Variants in DYRK1A observed in about 807,000 individuals in gnomAD.
DYRK1A encodes dual specificity tyrosine phosphorylation regulated kinase 1A.
Under a neutral mutation model 79.7 loss-of-function variants are expected in DYRK1A, and 9 were observed. The ratio of observed to expected loss-of-function variants is 0.11; its 90% confidence interval spans 0.07 to 0.20. The LOEUF is 0.20. DYRK1A is among the 10% of genes least tolerant of loss of function. The probability of loss-of-function intolerance (pLI) is 1.00; values close to 1 mark genes in which losing one functional copy is unlikely to be tolerated. For missense variants in DYRK1A, 622 were observed against 956.0 expected (o/e 0.65, Z 4.61); for synonymous variants, 349 against 329.7 (o/e 1.06, Z -0.63).
In DYRK1A at chr21:37,518,903, T is replaced by A; in HGVS notation, c.*6372T>A. On this transcript the variant is annotated 3_prime_UTR_variant, in exon 12 of 12. Coordinates refer to ENST00000647188, the MANE Select transcript of DYRK1A (RefSeq NM_001347721.2). ...GCTGGGATTACAGGCGTGAGCTACT[T>A]CACCCAGCCCCAAGAACATCTTGAA... 1 of 152,246 alleles carries A rather than the reference T, an allele frequency of 6.6e-6. No individual in the cohort carries two copies. Among genetic ancestry groups the A allele is most frequent in the East Asian group, 1.9e-4 (1 of 5,170 alleles). 9.4% of individuals were successfully genotyped at this position (152,246 alleles called of 1,614,324 possible).
chr21:37,375,008 A>G (rs1042428225), intron 1 of DYRK1A: 1 of 152,236 alleles, frequency 6.6e-6, no homozygotes, highest in South Asian at 2.1e-4. Context: ...GCCTGGGACT[A>G]GCATTGTTTT....
chr21:37,382,928 G>C (rs2049687087), intron 1 of DYRK1A, among the ~76,000 whole-genome samples: 1 of 152,198 alleles, frequency 6.6e-6, no homozygotes, highest in Non-Finnish European at 1.5e-5. Flanking sequence ...TTGATACCTT[G>C]TGTTATTGGT....
chr21:37,436,029 G>A (rs537501483), intron 2 of DYRK1A, among the ~76,000 whole-genome samples: 12 of 152,226 alleles, frequency 7.9e-5, no homozygotes, highest in African/African-American at 2.9e-4. Flanking sequence ...AACATGAGGT[G>A]AAGAATAAAT....
chr21:37,414,887 G>C (rs1005042971), intron 1 of DYRK1A, among the ~76,000 whole-genome samples: 9 of 152,206 alleles, frequency 5.9e-5, no homozygotes, highest in Non-Finnish European at 1.2e-4. Flanking sequence ...AAGGAAGACA[G>C]AGGACAGCAA....
chr21:37,492,959 C>A, intron 7 of DYRK1A, 58 bp from the exon 8 acceptor site: 1 of 1,389,756 alleles, frequency 7.2e-7, no homozygotes, highest in Non-Finnish European at 9.9e-7. Context: ...TGTTTTTAAT[C>A]CAATGCTGAC....
intron 1 of DYRK1A, among the ~76,000 whole-genome samples, chr21:37,380,073 G>A (rs1392221975): frequency 6.6e-6 from 1 of 152,242 alleles, no homozygotes; most frequent in East Asian, 1.9e-4. Flanking sequence ...AATAATTTTT[G>A]ATGTTGCTTT....
At chr21:37,506,295 G>A (rs765830209) in intron 11 of DYRK1A, 72 bp downstream of exon 11, 6 of 1,612,524 alleles carry the variant, frequency 3.7e-6, no homozygotes, top group Non-Finnish European at 5.1e-6. Context: ...GATGCCAGGT[G>A]CCTTTAGAAT....
At chr21:37,478,373 C>A in intron 4 of DYRK1A, 73 bp downstream of exon 4, 2 of 1,414,306 alleles carry the variant, frequency 1.4e-6, no homozygotes, top group Non-Finnish European at 9.7e-7. Flanking sequence ...ACCTATTTAC[C>A]CTAAACTTTT....
chr21:37,432,186 C>CT (rs144601823), intron 2 of DYRK1A, among the ~76,000 whole-genome samples: 16 of 150,796 alleles, frequency 1.1e-4, no homozygotes, highest in East Asian at 5.8e-4. Flanking sequence ...TTCTAGGAGC[C>CT]TTTTTTTTTG....
At chr21:37,421,682 A>G (rs1309569230) in intron 2 of DYRK1A, 2 of 152,130 alleles carry the variant, frequency 1.3e-5, no homozygotes, top group Non-Finnish European at 2.9e-5. Context: ...ACCATCATAG[A>G]AAAACAAATA....
chr21:37,407,656 AAC>A (rs2148409745), intron 1 of DYRK1A, among the ~76,000 whole-genome samples: 1 of 152,366 alleles, frequency 6.6e-6, no homozygotes, highest in East Asian at 1.9e-4. Flanking sequence ...CTCTAAGTAT[AAC>A]AAATTATGTG....
chr21:37,405,948 A>G (rs184791066), intron 1 of DYRK1A, among the ~76,000 whole-genome samples: 2 of 152,166 alleles, frequency 1.3e-5, no homozygotes, highest in East Asian at 3.9e-4. Flanking sequence ...AGTTGTATCA[A>G]TAGGCGTAAA....
Position 37,512,791 on chromosome 21 carries a change from C to G in DYRK1A, c.*260C>G. The G allele has an allele frequency of 2.2e-6, 1 of 445,054 alleles. No homozygotes were observed. The highest frequency in any genetic ancestry group is 4.0e-6 in the Non-Finnish European group (1 of 251,998). The allele number at this position is 445,054 out of a possible 1,614,324, so 27.6% of individuals were successfully genotyped here. The stretch of plus-strand genomic sequence containing the variant: ...CTCCCCCATTTTAACTTGCCACATC[C>G]CAGTCACAGTGGGGTTTTTTTGTCT... On this transcript the variant is annotated 3_prime_UTR_variant, in exon 12 of 12. Coordinates refer to ENST00000647188, the MANE Select transcript of DYRK1A (RefSeq NM_001347721.2).
chr21:37,525,359 A>T lies in DYRK1A; in HGVS notation c.*12828A>T, dbSNP rs80265314. On this transcript the variant is annotated 3_prime_UTR_variant, in exon 12 of 12. Transcript: ENST00000647188. ...AGTCTTAGGTGGCGGCAAGCAAGAG[A>T]GTGTGTGCAGGGGAACTGCCCTTTA... 1.3e-5 allele frequency: 2 copies of T among 152,206 alleles called. No individual in the cohort carries two copies. Among genetic ancestry groups the T allele is most frequent in the African/African-American group, 2.4e-5 (1 of 41,442 alleles). The allele number at this position is 152,206 out of a possible 1,614,324, so 9.4% of individuals were successfully genotyped here. A position where few individuals can be genotyped will look rare whatever the true frequency, so the allele number is the denominator to read the frequency against.
intron 6 of DYRK1A, 137 bp downstream of exon 6, chr21:37,486,751 A>G: frequency 2.4e-6 from 2 of 828,598 alleles, no homozygotes; most frequent in South Asian, 6.9e-5. Context: ...TTGGACAGCA[A>G]GATTTATATA....
chr21:37,415,308 A>T (rs182429054), intron 1 of DYRK1A, among the ~76,000 whole-genome samples: 1 of 152,206 alleles, frequency 6.6e-6, no homozygotes, highest in African/African-American at 2.4e-5. Flanking sequence ...CACAAATTTC[A>T]GCTATTCCAC....
rs2053966282 is a variant in DYRK1A, at chr21:37,526,131, C to T, written c.*13600C>T. 6.6e-6 allele frequency: 1 copy of T among 152,200 alleles called. No individual in the cohort carries two copies. The highest frequency in any genetic ancestry group is 6.5e-5 in the Admixed American group (1 of 15,284). The allele number at this position is 152,200 out of a possible 1,614,324, so 9.4% of individuals were successfully genotyped here. On this transcript the variant is annotated 3_prime_UTR_variant, in exon 12 of 12. Coordinates refer to ENST00000647188, the MANE Select transcript of DYRK1A (RefSeq NM_001347721.2). ...AAAAGAAGAGCTCCATTCCCACACA[C>T]ATTTGCCACAGATACATTATCTGAG...
At chr21:37,463,202 A>G (rs1317962782) in intron 2 of DYRK1A, among the ~76,000 whole-genome samples, 1 of 35,636 alleles carries the variant, frequency 2.8e-5, no homozygotes, top group Non-Finnish European at 5.2e-5. Context: ...TAATGTTGGC[A>G]CGTGTGTGTG....
At chr21:37,417,212 CAG>C (rs1569304072) in intron 1 of DYRK1A, among the ~76,000 whole-genome samples, 1 of 151,952 alleles carries the variant, frequency 6.6e-6, no homozygotes, top group Non-Finnish European at 1.5e-5. Flanking sequence ...TTTTTGGAGA[CAG>C]AGTTTCCCTC....
Sources: allele counts gnomAD v4.1 joint callset (sites outside exome capture counted in the v4.1 genomes callset), GRCh38; gene constraint gnomAD v4.1.1; transcripts MANE v1.5; gene names NCBI Gene and HGNC (gene_info 2026-07-23, HGNC 2026-07-21).